VWF: variants seen among roughly 807,000 people sequenced by gnomAD.
VWF encodes Factor VIII related antigen.
In VWF, 176 loss-of-function variants were observed where a neutral mutation model predicts 308.6. The observed-to-expected ratio is 0.57, with a 90% CI of 0.50 to 0.65. The LOEUF (loss-of-function observed/expected upper bound fraction) is 0.65. VWF is among the 30% of genes least tolerant of loss of function. The pLI is 0.00. For missense variants in VWF, 3,146 were observed against 3,648.2 expected (o/e 0.86, Z 3.55); for synonymous variants, 1,385 against 1,443.4 (o/e 0.96, Z 0.92).
chr12:6,031,892 C>A (rs1232301478), intron 20 of VWF, among the ~76,000 whole-genome samples: 1 of 152,150 alleles, frequency 6.6e-6, no homozygotes, highest in Non-Finnish European at 1.5e-5. Context: ...GGCTCAAAGG[C>A]CTTGCCTAGA....
chr12:6,005,276 A>C (rs1943913143), intron 34 of VWF, among the ~76,000 whole-genome samples: 1 of 152,188 alleles, frequency 6.6e-6, no homozygotes, highest in Admixed American at 6.5e-5. Context: ...CAACAAGTGG[A>C]ATCAGAAAAA....
In VWF at chr12:5,983,117, C is replaced by T. The variant is rs530308467; in HGVS notation, c.7081+33G>A. On this transcript the variant is annotated intron_variant, in intron 41 of 51. Transcript: ENST00000261405. The stretch of plus-strand genomic sequence containing the variant: ...CTCCCTCACACCAGCAGAGAGAGGC[C>T]ACACCACCCCTCCTCATCCACAGAG... 9 of 1,602,626 alleles carry T rather than the reference C, an allele frequency of 5.6e-6. No homozygotes were observed. In the African/African-American group the frequency reaches 9.4e-5, roughly 17 times the overall value.
rs377080723 is a variant in VWF, at chr12:5,982,273, G to A, written c.7082-282C>T. On this transcript the variant is annotated intron_variant, in intron 41 of 51. Transcript: ENST00000261405. ...CTCTATCACTTTCCCACATACATCT[G>A]GAAGGGGCGGGTTCCTTCATTCTCA... Among the ~76,000 whole-genome samples the A allele has an allele frequency of 2.6e-4, 40 of 152,270 alleles. 1 individual carries two copies. The East Asian group carries it at 6.0e-3, about 23-fold the overall frequency.
chr12:5,985,894 A>G (rs1024881338), intron 38 of VWF, among the ~76,000 whole-genome samples: 3 of 152,236 alleles, frequency 2.0e-5, no homozygotes, highest in African/African-American at 7.2e-5. Context: ...GGAAATTTTC[A>G]CTACAGCCTT....
intron 20 of VWF, among the ~76,000 whole-genome samples, chr12:6,034,108 C>T (rs1565837860): frequency 6.6e-6 from 1 of 152,210 alleles, no homozygotes; most frequent in Non-Finnish European, 1.5e-5. Context: ...GATGACTTTC[C>T]TGTGTCCCAT....
Position 6,067,271 on chromosome 12 carries a change from T to C in VWF, c.1157-1998A>G, listed in dbSNP as rs74058533. Among the ~76,000 whole-genome samples the C allele has an allele frequency of 1.6e-3, 250 of 152,332 alleles. 1 individual carries two copies. Among genetic ancestry groups the C allele is most frequent in the African/African-American group, 4.5e-3 (185 of 41,572 alleles). On this transcript the variant is annotated intron_variant, in intron 10 of 51. Transcript: ENST00000261405. ...TTCTACAAACACAGTAATATGGTCA[T>C]TTGTGTCAAATGTCTTGACCCCAGG...
At chr12:5,983,981 T>C (rs1245239556) in intron 40 of VWF, among the ~76,000 whole-genome samples, 2 of 99,810 alleles carry the variant, frequency 2.0e-5, no homozygotes, top group African/African-American at 8.1e-5. Flanking sequence ...GATGGATAGA[T>C]AGATAGATAG....
intron 6 of VWF, among the ~76,000 whole-genome samples, chr12:6,091,114 T>C (rs1253192030): frequency 6.6e-6 from 1 of 152,226 alleles, no homozygotes; most frequent in Non-Finnish European, 1.5e-5. Context: ...TACTTGTTTA[T>C]AAGGTGGAGA....
At chr12:5,963,985 A>G (rs1018340036) in intron 47 of VWF, among the ~76,000 whole-genome samples, 4 of 152,220 alleles carry the variant, frequency 2.6e-5, no homozygotes, top group African/African-American at 9.6e-5. Flanking sequence ...AGGTGGGCAG[A>G]TCACGAGGTC....
intron 38 of VWF, among the ~76,000 whole-genome samples, chr12:5,990,364 T>C (rs1448135939): frequency 6.6e-6 from 1 of 152,204 alleles, no homozygotes; most frequent in Non-Finnish European, 1.5e-5. Context: ...TGTGCGATTA[T>C]GACCCTATAG....
At chr12:6,064,047 T>C (rs1944685218) in intron 12 of VWF, among the ~76,000 whole-genome samples, 199 bp downstream of exon 12, 1 of 152,190 alleles carries the variant, frequency 6.6e-6, no homozygotes, top group Non-Finnish European at 1.5e-5. Flanking sequence ...CCTTCTCTAG[T>C]CTTCCTCCTC....
intron 44 of VWF, among the ~76,000 whole-genome samples, 179 bp downstream of exon 44, chr12:5,971,420 G>A (rs74476716): frequency 1.4e-4 from 21 of 152,330 alleles, no homozygotes; most frequent in East Asian, 5.8e-4. Flanking sequence ...GGCTGAGGCC[G>A]TCTTAACTGG....
At chr12:6,051,286 CTTTTTT>C (rs55842185) in intron 16 of VWF, among the ~76,000 whole-genome samples, 22 of 117,530 alleles carry the variant, frequency 1.9e-4, no homozygotes, top group African/African-American at 4.7e-4. Context: ...TTCTTTTTTT[CTTTTTT>C]TTTTTTTTTT....
intron 15 of VWF, among the ~76,000 whole-genome samples, chr12:6,056,437 A>T (rs1944579401): frequency 6.6e-6 from 1 of 152,156 alleles, no homozygotes; most frequent in Admixed American, 6.5e-5. Flanking sequence ...AGTTACAAGC[A>T]AAGGGTTTGT....
chr12:5,964,290 A>ACATACATACATACATACATACATG (rs1943371631), intron 47 of VWF, among the ~76,000 whole-genome samples: 2 of 151,690 alleles, frequency 1.3e-5, no homozygotes, highest in African/African-American at 2.4e-5. Context: ...ATACATGCAT[A>ACATACATACATACATACATACATG]CATACATACA....
intron 18 of VWF, among the ~76,000 whole-genome samples, chr12:6,041,783 T>A (rs1944399476): frequency 1.3e-5 from 2 of 152,212 alleles, no homozygotes; most frequent in Admixed American, 6.5e-5. Context: ...CATATTATTT[T>A]TGTCATTGCT....
chr12:6,022,526 A>T (rs1944140280), intron 26 of VWF, among the ~76,000 whole-genome samples: 3 of 149,274 alleles, frequency 2.0e-5, no homozygotes, highest in South Asian at 4.4e-4. Context: ...GAATCCCATA[A>T]ATAGGCACAG....
At position 6,064,299 on chromosome 12, in the gene VWF, T is replaced by C; in HGVS notation, c.1379A>G (p.His460Arg). ...GLHNSLVKLK[H>R]GAGVAMDGQD... is the part of the protein sequence containing the mutation. ...GCCATCCATGGCAACTCCTGCCCCA[T>C]GCTTCAGTTTCACAAGGCTGTTGTG... is the stretch of plus-strand genomic sequence containing the variant. Residue 460 changes from histidine (H) to arginine (R), a missense_variant, in exon 12 of 52, where the codon CAT (histidine) becomes CGT (arginine). Physicochemically the swap from His to Arg is conservative, Grantham distance 29. This residue lies in a region of VWF where 1,304 missense variants were observed against 1,353.0 expected (regional missense o/e 0.96). Transcript: ENST00000261405. 3 of 1,614,116 alleles carry C rather than the reference T, an allele frequency of 1.9e-6. No homozygotes were observed. The highest frequency in any genetic ancestry group is 1.7e-6 in the Non-Finnish European group (2 of 1,180,032).
intron 40 of VWF, 41 bp downstream of exon 40, chr12:5,985,004 A>C: frequency 6.2e-7 from 1 of 1,602,546 alleles, no homozygotes; most frequent in East Asian, 2.2e-5. Flanking sequence ...CCCTGGGGCT[A>C]GGGTTGGGCC....
Sources: allele counts gnomAD v4.1 joint callset (sites outside exome capture counted in the v4.1 genomes callset), GRCh38; gene constraint gnomAD v4.1.1; regional missense constraint gnomAD v4.1.1; transcripts MANE v1.5; gene names NCBI Gene and HGNC (gene_info 2026-07-23, HGNC 2026-07-21).